Variants in MCPH1 observed in about 807,000 individuals in gnomAD.
The protein encoded by MCPH1 is microcephalin.
Under a neutral mutation model 84.5 loss-of-function variants are expected in MCPH1, and 104 were observed. That is an observed-to-expected ratio of 1.23 (90% CI 1.05 to 1.45). The LOEUF (loss-of-function observed/expected upper bound fraction) is 1.45. MCPH1 is among the 40% of genes most tolerant of loss of function. The probability of loss-of-function intolerance (pLI) is 0.00; values close to 1 mark genes in which losing one functional copy is unlikely to be tolerated. For synonymous variants in MCPH1, 514 were observed against 366.8 expected, an observed-to-expected ratio of 1.40 and a Z score of -4.58; for missense variants, 1,498 against 1,005.7, an observed-to-expected ratio of 1.49 and a Z score of -6.62.
At chr8:6,627,034 A>G (rs1277759694) in intron 13 of MCPH1, 2 of 985,090 alleles carry the variant, frequency 2.0e-6, no homozygotes, top group African/African-American at 3.5e-5. Context: ...TAACTTATAA[A>G]GAAAATTTGG....
At chr8:6,503,011 G>C in intron 12 of MCPH1, 2 of 1,478,970 alleles carry the variant, frequency 1.4e-6, no homozygotes, top group Non-Finnish European at 1.9e-6. Context: ...TGTGGTGGAA[G>C]AGGACACAGT....
chr8:6,533,501 A>C (rs1178721960), intron 12 of MCPH1, among the ~76,000 whole-genome samples: 1 of 151,802 alleles, frequency 6.6e-6, no homozygotes, highest in African/African-American at 2.4e-5. Flanking sequence ...GAGTGTCTTA[A>C]AGAGGGGTTA....
At chr8:6,474,767 A>G (rs1348598322) in intron 9 of MCPH1, among the ~76,000 whole-genome samples, 1 of 152,208 alleles carries the variant, frequency 6.6e-6, no homozygotes, top group Non-Finnish European at 1.5e-5. Flanking sequence ...TTGGAGTCCA[A>G]GATGGGAGGA....
At chr8:6,570,154 A>G (rs978063658) in intron 12 of MCPH1, among the ~76,000 whole-genome samples, 7 of 152,222 alleles carry the variant, frequency 4.6e-5, no homozygotes, top group Non-Finnish European at 7.3e-5. Flanking sequence ...ATTTCATCCA[A>G]TGTGGATCGC....
intron 12 of MCPH1, among the ~76,000 whole-genome samples, chr8:6,568,297 A>C (rs1563140113): frequency 7.7e-6 from 1 of 129,330 alleles, no homozygotes; most frequent in African/African-American, 3.5e-5. Flanking sequence ...TGGAATGTGG[A>C]CCCATCGCTA....
chr8:6,601,165 C>T (rs1190677070), intron 12 of MCPH1, among the ~76,000 whole-genome samples: 1 of 152,190 alleles, frequency 6.6e-6, no homozygotes, highest in Admixed American at 6.5e-5. Flanking sequence ...CCAGCTGTGC[C>T]CACCTGGGCA....
chr8:6,426,777 A>G (rs746484744), intron 3 of MCPH1, among the ~76,000 whole-genome samples: 21 of 151,394 alleles, frequency 1.4e-4, no homozygotes, highest in Middle Eastern at 3.2e-3. Flanking sequence ...AAATTTATCC[A>G]TCTTTTGAAT....
chr8:6,612,327 C>G (rs1458455192), intron 12 of MCPH1, among the ~76,000 whole-genome samples: 1 of 152,200 alleles, frequency 6.6e-6, no homozygotes, highest in African/African-American at 2.4e-5. Flanking sequence ...CCAACCTCCT[C>G]TCCTCCACAG....
chr8:6,430,206 T>G (rs565617268), intron 3 of MCPH1, among the ~76,000 whole-genome samples: 1 of 152,356 alleles, frequency 6.6e-6, no homozygotes, highest in East Asian at 1.9e-4. Context: ...CTTCTCTTGT[T>G]ACAATTACTG....
chr8:6,631,743 G>C (rs974272446), intron 13 of MCPH1, among the ~76,000 whole-genome samples: 11 of 151,950 alleles, frequency 7.2e-5, no homozygotes, highest in African/African-American at 2.7e-4. Flanking sequence ...TGTTGGGAAT[G>C]TAAGATATTG....
intron 11 of MCPH1, chr8:6,499,641 A>G (rs1300579110): frequency 1.9e-6 from 1 of 517,126 alleles, no homozygotes; most frequent in Non-Finnish European, 3.5e-6. Flanking sequence ...ATTTCTTGTT[A>G]TCGTGAGACT....
At chr8:6,452,386 A>C (rs552371724) in intron 8 of MCPH1, among the ~76,000 whole-genome samples, 1 of 152,392 alleles carries the variant, frequency 6.6e-6, no homozygotes, top group East Asian at 1.9e-4. Flanking sequence ...AGATAACTGA[A>C]AGATAAAAAT....
chr8:6,636,316 T>C (rs2912085), intron 13 of MCPH1, among the ~76,000 whole-genome samples: 2 of 148,170 alleles, frequency 1.3e-5, no homozygotes, highest in Non-Finnish European at 3.0e-5. Flanking sequence ...CTCCAGCCTG[T>C]GTGACAGAGA....
chr8:6,571,046 A>G (rs1017779551), intron 12 of MCPH1, among the ~76,000 whole-genome samples: 12 of 152,158 alleles, frequency 7.9e-5, no homozygotes, highest in Non-Finnish European at 7.4e-5. Flanking sequence ...AATAGTTTAT[A>G]TAACTGTTAT....
chr8:6,529,847 T>C lies in MCPH1; in HGVS notation c.2214+29918T>C, dbSNP rs142365689. 2.5e-3 allele frequency among the ~76,000 whole-genome samples: 374 copies of C among 150,890 alleles called. 3 individuals carry two copies. Among genetic ancestry groups the C allele is most frequent in the African/African-American group, 7.9e-3 (327 of 41,256 alleles). On this transcript the variant is annotated intron_variant, in intron 12 of 13. Coordinates refer to ENST00000344683, the MANE Select transcript of MCPH1 (RefSeq NM_024596.5). Reference sequence around the variant, plus strand: ...CATCTGTTTTCTTATTTTCCTGTTATCCTGGATAACATGATATCTAGTTTC... The same window carrying C: ...CATCTGTTTTCTTATTTTCCTGTTACCCTGGATAACATGATATCTAGTTTC...
intron 12 of MCPH1, among the ~76,000 whole-genome samples, chr8:6,565,783 A>C (rs548352454): frequency 6.6e-6 from 1 of 152,318 alleles, no homozygotes; most frequent in South Asian, 2.1e-4. Flanking sequence ...TGGATGTGGT[A>C]AGAGAGAGCA....
intron 12 of MCPH1, among the ~76,000 whole-genome samples, chr8:6,608,893 A>C (rs902145329): frequency 2.0e-5 from 3 of 152,308 alleles, no homozygotes; most frequent in African/African-American, 7.2e-5. Context: ...TTCTGACTTA[A>C]TTAGCGTGGG....
chr8:6,439,352 AT>A (rs377273191), intron 6 of MCPH1, among the ~76,000 whole-genome samples: 429 of 114,866 alleles, frequency 3.7e-3, no homozygotes, highest in African/African-American at 0.011. Context: ...TATCTTTGGA[AT>A]TTTTTCTTTC....
intron 11 of MCPH1, among the ~76,000 whole-genome samples, chr8:6,493,735 ACCGGGGATCT>A: frequency 6.6e-6 from 1 of 152,106 alleles, no homozygotes; most frequent in East Asian, 1.9e-4. Flanking sequence ...ACAAAATATG[ACCGGGGATCT>A]CTGTCGTATT....
Sources: allele counts gnomAD v4.1 joint callset (sites outside exome capture counted in the v4.1 genomes callset), GRCh38; gene constraint gnomAD v4.1.1; transcripts MANE v1.5; gene names NCBI Gene and HGNC (gene_info 2026-07-23, HGNC 2026-07-21).